The following UBE2E2 variants were observed in gnomAD, a reference collection of about 807,000 sequenced individuals.
The protein encoded by UBE2E2 is ubiquitin conjugating enzyme E2 E2, also known as ubiquitin-conjugating enzyme E2 E2.
In UBE2E2, 6 loss-of-function variants were observed where a neutral mutation model predicts 24.7. The ratio of observed to expected loss-of-function variants is 0.24; its 90% CI spans 0.13 to 0.48. The LOEUF is 0.48. Among genes scored for constraint, UBE2E2 ranks in the 20% least tolerant of loss-of-function variants. The probability of loss-of-function intolerance (pLI) is 0.99; values close to 1 mark genes in which losing one functional copy is unlikely to be tolerated. For missense variants in UBE2E2, 169 were observed against 245.0 expected (o/e 0.69, Z 2.07); for synonymous variants, 104 against 83.6 (o/e 1.24, Z -1.33).
chr3:23,361,677 G>C (rs1696117377), intron 3 of UBE2E2, among the ~76,000 whole-genome samples: 1 of 152,220 alleles, frequency 6.6e-6, no homozygotes, highest in African/African-American at 2.4e-5. Flanking sequence ...CTCAAGGAAA[G>C]GTTGGGAGCA....
chr3:23,386,089 T>C (rs1180759839), intron 3 of UBE2E2, among the ~76,000 whole-genome samples: 1 of 152,126 alleles, frequency 6.6e-6, no homozygotes, highest in Non-Finnish European at 1.5e-5. Flanking sequence ...TAACACTATT[T>C]CATATAAGTA....
At chr3:23,387,387 T>A (rs1696827697) in intron 3 of UBE2E2, among the ~76,000 whole-genome samples, 1 of 152,242 alleles carries the variant, frequency 6.6e-6, no homozygotes, top group Non-Finnish European at 1.5e-5. Flanking sequence ...CTCTGCAAAT[T>A]TGCTACTCTT....
intron 3 of UBE2E2, among the ~76,000 whole-genome samples, chr3:23,243,032 G>A (rs1339578682): frequency 6.6e-6 from 1 of 151,828 alleles, no homozygotes; most frequent in Non-Finnish European, 1.5e-5. Context: ...GTTGCAGTGA[G>A]CTGAGATCAT....
intron 3 of UBE2E2, among the ~76,000 whole-genome samples, chr3:23,382,617 T>C (rs1696703623): frequency 6.6e-6 from 1 of 152,224 alleles, no homozygotes; most frequent in Non-Finnish European, 1.5e-5. Flanking sequence ...ATACATAATT[T>C]ATTATTTTAC....
chr3:23,415,766 T>C (rs1400712062), intron 3 of UBE2E2, among the ~76,000 whole-genome samples: 1 of 152,174 alleles, frequency 6.6e-6, no homozygotes, highest in Non-Finnish European at 1.5e-5. Context: ...TTATTATACT[T>C]TAAGTTCCAG....
chr3:23,216,010 CG>C (rs1455054830), intron 2 of UBE2E2, among the ~76,000 whole-genome samples: 1 of 152,092 alleles, frequency 6.6e-6, no homozygotes, highest in Admixed American at 6.6e-5. Context: ...AAAGAGATCA[CG>C]GAGTTTGTTC....
At chr3:23,286,948 T>A (rs1378571688) in intron 3 of UBE2E2, among the ~76,000 whole-genome samples, 1 of 152,160 alleles carries the variant, frequency 6.6e-6, no homozygotes, top group Non-Finnish European at 1.5e-5. Context: ...TCAGATTGTT[T>A]GCTGTTGGCA....
At chr3:23,250,205 A>C (rs1213998056) in intron 3 of UBE2E2, among the ~76,000 whole-genome samples, 1 of 152,208 alleles carries the variant, frequency 6.6e-6, no homozygotes, top group Non-Finnish European at 1.5e-5. Flanking sequence ...ACAGCCATTA[A>C]GTAGATAAGC....
chr3:23,203,431 G>C lies in UBE2E2; in HGVS notation c.-42G>C. On this transcript the variant is annotated 5_prime_UTR_variant, in exon 1 of 6. Coordinates refer to ENST00000396703, the MANE Select transcript of UBE2E2 (RefSeq NM_152653.4). ...CAGCTCTCTCCCAGGGCTTCGGCTC[G>C]AGCCTGCGACCTGCACGGACACCCC... 1 of 979,666 alleles carries C rather than the reference G, an allele frequency of 1.0e-6. No homozygotes were observed. Among genetic ancestry groups the C allele is most frequent in the Non-Finnish European group, 1.2e-6 (1 of 828,624 alleles). 60.7% of individuals were successfully genotyped at this position (979,666 alleles called of 1,614,324 possible). A position where few individuals can be genotyped will look rare whatever the true frequency, so the allele number is the denominator to read the frequency against.
intron 3 of UBE2E2, among the ~76,000 whole-genome samples, chr3:23,273,416 A>G (rs1302643239): frequency 6.6e-6 from 1 of 152,198 alleles, no homozygotes; most frequent in African/African-American, 2.4e-5. Flanking sequence ...CTGTAGTCCC[A>G]GCTACTTGGG....
intron 3 of UBE2E2, among the ~76,000 whole-genome samples, chr3:23,276,984 G>A (rs1698387313): frequency 6.6e-6 from 1 of 152,106 alleles, no homozygotes. Context: ...GTGAGCTAAT[G>A]TAAGCAGTTT....
At chr3:23,569,049 A>AT (rs34775715) in intron 5 of UBE2E2, among the ~76,000 whole-genome samples, 11,996 of 152,174 alleles carry the variant, frequency 0.079, 582 homozygotes, top group Non-Finnish European at 0.088. Flanking sequence ...TTGCAGCATT[A>AT]TTTGTAATAG....
intron 3 of UBE2E2, among the ~76,000 whole-genome samples, chr3:23,451,653 T>C (rs1421190568): frequency 6.6e-6 from 1 of 152,234 alleles, no homozygotes. Context: ...ATCCTGGTAA[T>C]AAAGTACTTT....
At chr3:23,438,486 G>C (rs555059158) in intron 3 of UBE2E2, among the ~76,000 whole-genome samples, 1 of 152,160 alleles carries the variant, frequency 6.6e-6, no homozygotes, top group Non-Finnish European at 1.5e-5. Context: ...GAAAAGGTTT[G>C]AATTAAAAGG....
intron 3 of UBE2E2, among the ~76,000 whole-genome samples, chr3:23,290,351 C>T (rs1698731493): frequency 6.6e-6 from 1 of 152,204 alleles, no homozygotes; most frequent in Admixed American, 6.5e-5. Flanking sequence ...GTTTCTGAGA[C>T]TGTAATGTAT....
intron 3 of UBE2E2, among the ~76,000 whole-genome samples, chr3:23,239,443 C>A (rs1283258175): frequency 6.6e-6 from 1 of 151,950 alleles, no homozygotes; most frequent in Non-Finnish European, 1.5e-5. Context: ...ATTCCCCCCT[C>A]CCCCCCAGCT....
intron 3 of UBE2E2, among the ~76,000 whole-genome samples, chr3:23,488,242 G>A (rs539662712): frequency 3.0e-4 from 44 of 147,644 alleles, no homozygotes; most frequent in South Asian, 1.7e-3. Flanking sequence ...TCTGGGATAC[G>A]TGTGCAGAAC....
At position 23,521,736 on chromosome 3, in the gene UBE2E2, A is replaced by T. The variant is rs997500595; in HGVS notation, c.361-10818A>T. On this transcript the variant is annotated intron_variant, in intron 4 of 5. Coordinates refer to ENST00000396703, the MANE Select transcript of UBE2E2 (RefSeq NM_152653.4). ...TTTGTTTGTTTGTTTGTTTTAGCTCATGAGCTATCATAAGTATATTTTATA... is the reference window on the plus strand; with the variant it reads ...TTTGTTTGTTTGTTTGTTTTAGCTCTTGAGCTATCATAAGTATATTTTATA... 1.2e-4 allele frequency among the ~76,000 whole-genome samples: 19 copies of T among 152,134 alleles called. 1 individual carries two copies. Among genetic ancestry groups the T allele is most frequent in the Admixed American group, 1.1e-3 (17 of 15,272 alleles).
At chr3:23,433,576 A>G (rs969831290) in intron 3 of UBE2E2, among the ~76,000 whole-genome samples, 1 of 152,004 alleles carries the variant, frequency 6.6e-6, no homozygotes, top group African/African-American at 2.4e-5. Context: ...CTTATTGGCT[A>G]TGATTAACCA....
Sources: allele counts gnomAD v4.1 joint callset (sites outside exome capture counted in the v4.1 genomes callset), GRCh38; gene constraint gnomAD v4.1.1; transcripts MANE v1.5; gene names NCBI Gene and HGNC (gene_info 2026-07-23, HGNC 2026-07-21).